The following CRYBG1 variants were observed in gnomAD, a reference collection of about 807,000 sequenced individuals.
The protein encoded by CRYBG1 is beta/gamma crystallin domain-containing protein 1.
CRYBG1 carries 139 observed loss-of-function variants against 189.2 expected under a neutral mutation model. The observed-to-expected ratio is 0.73, with a 90% CI of 0.64 to 0.85. CRYBG1 has a LOEUF of 0.85. Among genes scored for constraint, CRYBG1 ranks in the 40% least tolerant of loss-of-function variants. CRYBG1 has a pLI of 0.00. For missense variants in CRYBG1, 2,611 were observed against 2,675.8 expected (o/e 0.98, Z 0.53); for synonymous variants, 1,023 against 1,017.1 (o/e 1.01, Z -0.11).
intron 1 of CRYBG1, among the ~76,000 whole-genome samples, chr6:106,393,741 T>C (rs1486384117): frequency 6.6e-6 from 1 of 151,782 alleles, no homozygotes; most frequent in Non-Finnish European, 1.5e-5. Flanking sequence ...AGTGGCACGA[T>C]CTTGGCTCAC....
chr6:106,525,281 G>C lies in CRYBG1; in HGVS notation c.4307G>C (p.Ser1436Thr). The C allele has an allele frequency of 6.2e-7, 1 of 1,614,090 alleles. No individual in the cohort carries two copies. The highest frequency in any genetic ancestry group is 1.1e-5 in the South Asian group (1 of 91,086). Residue 1436 changes from serine to threonine, a missense_variant, in exon 6 of 22, where the codon AGT becomes ACT. Around this residue, in one of 3 missense-constraint regions of CRYBG1, gnomAD observed 1,622 missense variants for 1,735.0 expected, o/e 0.93. Transcript: ENST00000633556. ...GTTTTCTTGCAGGTAGTGATATATA[G>C]TGAACCCGACGTCTCTGAGAAGTGC... is the stretch of plus-strand genomic sequence containing the variant. ...NPRPGKVVIY[S>T]EPDVSEKCIE... is the part of the protein sequence containing the mutation.
intron 1 of CRYBG1, among the ~76,000 whole-genome samples, chr6:106,407,489 T>C (rs1403697276): frequency 1.3e-5 from 2 of 151,902 alleles, no homozygotes; most frequent in African/African-American, 4.8e-5. Flanking sequence ...AGACAGAAAA[T>C]TAACAAGGAT....
intron 2 of CRYBG1, among the ~76,000 whole-genome samples, chr6:106,458,075 A>G (rs761928139): frequency 6.6e-6 from 1 of 152,224 alleles, no homozygotes; most frequent in Non-Finnish European, 1.5e-5. Flanking sequence ...TAATACTTTT[A>G]TTTTTGAGCT....
chr6:106,398,019 T>C (rs1770646307), intron 1 of CRYBG1, among the ~76,000 whole-genome samples: 1 of 152,094 alleles, frequency 6.6e-6, no homozygotes, highest in African/African-American at 2.4e-5. Flanking sequence ...CCAAAATACA[T>C]TAAGTACCAA....
chr6:106,536,432 A>G (rs1774005324), intron 8 of CRYBG1, among the ~76,000 whole-genome samples: 1 of 152,290 alleles, frequency 6.6e-6, no homozygotes, highest in Admixed American at 6.5e-5. Flanking sequence ...GAATAACCTC[A>G]AAGTCAGTAC....
At chr6:106,555,688 C>T in intron 16 of CRYBG1, 80 bp from the exon 17 acceptor site, 2 of 1,496,916 alleles carry the variant, frequency 1.3e-6, no homozygotes, top group South Asian at 1.3e-5. Context: ...TATAGCAGGC[C>T]ACCTCTAAAA....
chr6:106,557,664 C>T (rs1372842771), intron 17 of CRYBG1, among the ~76,000 whole-genome samples: 1 of 152,002 alleles, frequency 6.6e-6, no homozygotes, highest in Non-Finnish European at 1.5e-5. Flanking sequence ...AACTCCTGAC[C>T]TCAAGTGATC....
chr6:106,519,237 A>G lies in CRYBG1; in HGVS notation c.2029A>G (p.Thr677Ala), dbSNP rs755784315. ...PFSQPVHKGN[T>A]ATKISLFENK... Reference sequence around the variant, plus strand: ...TAGCCAGCCAGTTCACAAAGGCAACACTGCCACCAAAATCTCCTTATTTGA... The same window carrying G: ...TAGCCAGCCAGTTCACAAAGGCAACGCTGCCACCAAAATCTCCTTATTTGA... The change falls in exon 4 of 22, where the codon ACT becomes GCT. Residue 677 changes from threonine (T) to alanine (A), a missense_variant. This residue lies in a region of CRYBG1 where 4 missense variants were observed against 16.4 expected (regional missense o/e 0.24). Coordinates refer to ENST00000633556, the MANE Select transcript of CRYBG1 (RefSeq NM_001371242.2). 4 of 1,614,178 alleles carry G rather than the reference A, an allele frequency of 2.5e-6. No homozygotes were observed. In the South Asian group the frequency reaches 4.4e-5, roughly 18 times the overall value.
intron 1 of CRYBG1, among the ~76,000 whole-genome samples, chr6:106,429,067 G>A (rs935353031): frequency 6.6e-6 from 1 of 152,180 alleles, no homozygotes; most frequent in Non-Finnish European, 1.5e-5. Context: ...CCTTGAAATG[G>A]ATAAAACTAA....
intron 2 of CRYBG1, among the ~76,000 whole-genome samples, chr6:106,492,528 A>G (rs572697612): frequency 6.6e-6 from 1 of 152,096 alleles, no homozygotes; most frequent in Admixed American, 6.5e-5. Flanking sequence ...GAGGAAGGAA[A>G]GAAGGAAGGG....
At chr6:106,541,262 G>T (rs1232962817) in intron 9 of CRYBG1, 1 of 512,190 alleles carries the variant, frequency 2.0e-6, no homozygotes, top group African/African-American at 1.9e-5. Flanking sequence ...TGGGTCCAGA[G>T]ATGTCAGCTC....
In CRYBG1 at chr6:106,493,615, A is replaced by G. The variant is rs1772774195; in HGVS notation, c.313-17815A>G. 1.3e-5 allele frequency among the ~76,000 whole-genome samples: 2 copies of G among 152,240 alleles called. 1 individual carries two copies. The highest frequency in any genetic ancestry group is 4.1e-4 in the South Asian group (2 of 4,832). On this transcript the variant is annotated intron_variant, in intron 2 of 21. Coordinates refer to ENST00000633556, the MANE Select transcript of CRYBG1 (RefSeq NM_001371242.2). Reference sequence around the variant, plus strand: ...AATGTCCATCAACAGATAAATGGATAAAGAATATGTGCTGTAATAAAAGGA... The same window carrying G: ...AATGTCCATCAACAGATAAATGGATGAAGAATATGTGCTGTAATAAAAGGA...
At position 106,527,310 on chromosome 6, in the gene CRYBG1, T is replaced by C; in HGVS notation, c.4418T>C (p.Ile1473Thr). 1 of 1,610,598 alleles carries C rather than the reference T, an allele frequency of 6.2e-7. No individual in the cohort carries two copies. Among genetic ancestry groups the C allele is most frequent in the Non-Finnish European group, 8.5e-7 (1 of 1,178,302 alleles). ...TTGCTGTGTTTTATTGTTAGTTGGA[T>C]TTTGTATGAGCAACCAAATTTTGAA... ...ILIKVVRGCW[I>T]LYEQPNFEGH... The change falls in exon 7 of 22, where the codon ATT becomes ACT. Residue 1473 changes from isoleucine (I) to threonine (T), a missense_variant. Physicochemically the swap from Ile to Thr is moderately conservative, Grantham distance 89. Around this residue, in one of 3 missense-constraint regions of CRYBG1, gnomAD observed 1,622 missense variants for 1,735.0 expected, o/e 0.93. Coordinates refer to ENST00000633556, the MANE Select transcript of CRYBG1 (RefSeq NM_001371242.2).
At chr6:106,565,719 AGTAC>A (rs1774864745) in intron 21 of CRYBG1, among the ~76,000 whole-genome samples, 4 of 152,254 alleles carry the variant, frequency 2.6e-5, no homozygotes, top group Non-Finnish European at 4.4e-5. Flanking sequence ...AGTAACATAT[AGTAC>A]AGCTCCCTCA....
In CRYBG1 at chr6:106,560,905, T is replaced by G. The variant is rs1582841558; in HGVS notation, c.5958T>G (p.Gly1986=). 6.2e-7 allele frequency: 1 copy of G among 1,611,932 alleles called. No individual in the cohort carries two copies. The highest frequency in any genetic ancestry group is 8.5e-7 in the Non-Finnish European group (1 of 1,179,046). ...WYEFSGCRQI[G]SLRPFVQKRI... ...AATTCAGTGGCTGTCGCCAAATAGG[T>G]TCTCTACGACCTTTTGTTCAGGTAT... Residue 1986 remains glycine, a synonymous_variant, in exon 19 of 22, where the codon GGT becomes GGG. Transcript: ENST00000633556.
At chr6:106,433,223 G>T (rs1238254842) in intron 1 of CRYBG1, among the ~76,000 whole-genome samples, 2 of 152,140 alleles carry the variant, frequency 1.3e-5, no homozygotes, top group African/African-American at 4.8e-5. Context: ...AGCAAGTCAG[G>T]GTTGCTGTGA....
intron 1 of CRYBG1, among the ~76,000 whole-genome samples, chr6:106,386,974 T>C (rs1038656732): frequency 6.6e-6 from 1 of 152,240 alleles, no homozygotes; most frequent in African/African-American, 2.4e-5. Context: ...AGACAATAGC[T>C]CGTATTTCAT....
intron 2 of CRYBG1, among the ~76,000 whole-genome samples, chr6:106,458,622 T>G (rs1374974238): frequency 6.6e-6 from 1 of 152,232 alleles, no homozygotes; most frequent in Non-Finnish European, 1.5e-5. Context: ...TAGAAAATAC[T>G]GCTGTAACAA....
Position 106,566,464 on chromosome 6 carries a change from C to CTTTTTTTT in CRYBG1, c.6302-1990_6302-1983dup, listed in dbSNP as rs34773477. Among the ~76,000 whole-genome samples the CTTTTTTTT allele has an allele frequency of 4.2e-3, 303 of 71,676 alleles. 53 individuals are homozygous for CTTTTTTTT. The highest frequency in any genetic ancestry group is 0.016 in the African/African-American group (253 of 15,952). The allele number at this position is 71,676 out of a possible 152,430, so 47.0% of individuals were successfully genotyped here. A position where few individuals can be genotyped will look rare whatever the true frequency, so the allele number is the denominator to read the frequency against. The stretch of plus-strand genomic sequence containing the variant: ...TATCTAGCACGGTAGCAACAACAGT[C>CTTTTTTTT]TTTTTTTTTTTTTTTTTTTTTTTTT... On this transcript the variant is annotated intron_variant, in intron 21 of 21. Transcript: ENST00000633556.
Sources: gnomAD v4.1 joint callset for allele counts (sites outside exome capture counted in the v4.1 genomes callset) on GRCh38, gnomAD v4.1.1 for gene constraint, gnomAD v4.1.1 regional missense constraint, MANE v1.5 for transcripts, NCBI Gene and HGNC (gene_info 2026-07-23, HGNC 2026-07-21) for gene names.